The following LRRC42 variants were observed in gnomAD, a reference collection of about 807,000 sequenced individuals.
LRRC42 encodes the protein leucine-rich repeat-containing protein 42.
In LRRC42, 43 loss-of-function variants were observed where a neutral mutation model predicts 44.3. The ratio of observed to expected loss-of-function variants is 0.97; its 90% CI spans 0.76 to 1.25. The LOEUF is 1.25. LRRC42 is among the 50% of genes most tolerant of loss of function. The pLI, the probability that LRRC42 is intolerant of heterozygous loss-of-function variation, is 0.00. For synonymous variants in LRRC42, 207 were observed against 195.2 expected, an observed-to-expected ratio of 1.06 and a Z score of -0.50; for missense variants, 540 against 509.1, an observed-to-expected ratio of 1.06 and a Z score of -0.58.
chr1:53,956,063 C>G (rs142572669), intron 3 of LRRC42, among the ~76,000 whole-genome samples: 5 of 152,330 alleles, frequency 3.3e-5, no homozygotes, highest in Non-Finnish European at 7.3e-5. Flanking sequence ...GGGCAGGAAA[C>G]TTGAGGTTGC....
At chr1:53,958,825 A>T (rs1654918070) in intron 4 of LRRC42, among the ~76,000 whole-genome samples, 1 of 151,992 alleles carries the variant, frequency 6.6e-6, no homozygotes, top group African/African-American at 2.4e-5. Flanking sequence ...ACCTCAGGTG[A>T]TCCTCCCGCC....
At chr1:53,961,509 C>T (rs1012219581) in intron 5 of LRRC42, among the ~76,000 whole-genome samples, 1 of 152,132 alleles carries the variant, frequency 6.6e-6, no homozygotes, top group East Asian at 1.9e-4. Flanking sequence ...CCAGGCACTA[C>T]GCTTATGGCC....
Position 53,952,348 on chromosome 1 carries a change from A to G in LRRC42, c.349A>G (p.Lys117Glu). The change falls in exon 3 of 9, where the codon AAG (lysine) becomes GAG (glutamate). Residue 117 changes from lysine to glutamate, a missense_variant. Physicochemically the swap from Lys to Glu is moderately conservative, Grantham distance 56. Transcript: ENST00000371370. ...TGGCTTTCCTGAGCAGATTGCTGAAAAGCTGTTCTCTGCTGCTGAAGCCAG... is the reference window on the plus strand; with the variant it reads ...TGGCTTTCCTGAGCAGATTGCTGAAGAGCTGTTCTCTGCTGCTGAAGCCAG... ...LIGFPEQIAEKLFSAAEARQK... is the reference protein window; with the variant it reads ...LIGFPEQIAEELFSAAEARQK... 6.2e-7 allele frequency: 1 copy of G among 1,614,184 alleles called. No homozygotes were observed. Among genetic ancestry groups the G allele is most frequent in the South Asian group, 1.1e-5 (1 of 91,086 alleles).
At chr1:53,960,641 T>A (rs1211067490) in intron 5 of LRRC42, among the ~76,000 whole-genome samples, 167 bp downstream of exon 5, 2 of 152,236 alleles carry the variant, frequency 1.3e-5, no homozygotes, top group Non-Finnish European at 2.9e-5. Flanking sequence ...TCTTGACTCC[T>A]GGCCAACTGA....
At chr1:53,956,085 A>G (rs1654829837) in intron 3 of LRRC42, among the ~76,000 whole-genome samples, 1 of 152,220 alleles carries the variant, frequency 6.6e-6, no homozygotes, top group South Asian at 2.1e-4. Context: ...TTTGCAATCC[A>G]GGGCTGTAGC....
chr1:53,947,109 G>A (rs1184266649), intron 1 of LRRC42, among the ~76,000 whole-genome samples: 1 of 151,514 alleles, frequency 6.6e-6, no homozygotes, highest in Non-Finnish European at 1.5e-5. Context: ...AGAGGAGTGG[G>A]GGGTGGAGGA....
At chr1:53,948,580 C>T (rs1034362248) in intron 2 of LRRC42, among the ~76,000 whole-genome samples, 1 of 152,216 alleles carries the variant, frequency 6.6e-6, no homozygotes. Context: ...GGCTGGGAAA[C>T]TATCAAAATG....
At chr1:53,953,625 C>T (rs1654754193) in intron 3 of LRRC42, among the ~76,000 whole-genome samples, 2 of 152,142 alleles carry the variant, frequency 1.3e-5, no homozygotes, top group Non-Finnish European at 2.9e-5. Flanking sequence ...TCCTAAAGTG[C>T]TGGGATTACA....
At chr1:53,956,342 G>A (rs902503484) in intron 3 of LRRC42, among the ~76,000 whole-genome samples, 1 of 152,158 alleles carries the variant, frequency 6.6e-6, no homozygotes, top group Non-Finnish European at 1.5e-5. Flanking sequence ...AGGCAAGTAT[G>A]TTTTCCTTAA....
intron 4 of LRRC42, among the ~76,000 whole-genome samples, chr1:53,959,984 A>G (rs1289779612): frequency 6.7e-6 from 1 of 150,258 alleles, no homozygotes; most frequent in Non-Finnish European, 1.5e-5. Context: ...GCAGTGGTGC[A>G]ATCATAGCTC....
Position 53,968,115 on chromosome 1 carries a change from G to A in LRRC42, c.*176G>A. The A allele has an allele frequency of 3.2e-6, 2 of 631,836 alleles. No individual in the cohort carries two copies. Among genetic ancestry groups the A allele is most frequent in the Admixed American group, 6.2e-5 (2 of 32,268 alleles). 39.1% of individuals were successfully genotyped at this position (631,836 alleles called of 1,614,324 possible). ...ATGGAAGTATGTAATAATTTCTAAT[G>A]TATATTTTCAATACATAGTAATTTT... On this transcript the variant is annotated 3_prime_UTR_variant, in exon 9 of 9. Coordinates refer to ENST00000371370, the MANE Select transcript of LRRC42 (RefSeq NM_001256409.2).
At chr1:53,961,869 A>C in intron 5 of LRRC42, 165 bp from the exon 6 acceptor site, 1 of 585,440 alleles carries the variant, frequency 1.7e-6, no homozygotes, top group East Asian at 2.9e-5. Flanking sequence ...TTTATATTAC[A>C]AATAGTAAAG....
At chr1:53,946,908 T>G in intron 1 of LRRC42, among the ~76,000 whole-genome samples, 1 of 123,058 alleles carries the variant, frequency 8.1e-6, no homozygotes. Context: ...AGGATAGGAA[T>G]AGAGAGGGTG....
intron 3 of LRRC42, 50 bp downstream of exon 3, chr1:53,952,522 T>C (rs1227396531): frequency 1.3e-6 from 2 of 1,483,618 alleles, no homozygotes; most frequent in African/African-American, 1.4e-5. Flanking sequence ...GTGTTAATTC[T>C]GTCAAGCTCT....
rs764302113 is a variant in LRRC42 at position 53,958,290 on chromosome 1, TG to T, written c.605+11del. ...ATGAAGCCCTGTCTAGGTACTGACCTGTCACCACTTGCAGATGAATTGTTTC... is the reference window on the plus strand; with the variant it reads ...ATGAAGCCCTGTCTAGGTACTGACCTTCACCACTTGCAGATGAATTGTTTC... On this transcript the variant is annotated intron_variant, in intron 4 of 8. Transcript: ENST00000371370. 3 of 1,612,004 alleles carry T rather than the reference TG, an allele frequency of 1.9e-6. No homozygotes were observed. Among genetic ancestry groups the T allele is most frequent in the Non-Finnish European group, 2.5e-6 (3 of 1,178,586 alleles).
intron 2 of LRRC42, among the ~76,000 whole-genome samples, chr1:53,948,800 T>G (rs1654595164): frequency 6.6e-6 from 1 of 152,252 alleles, no homozygotes; most frequent in African/African-American, 2.4e-5. Flanking sequence ...AGTGAAGTTT[T>G]GTGTAGAATT....
intron 2 of LRRC42, among the ~76,000 whole-genome samples, chr1:53,949,789 C>A (rs546064406): frequency 6.6e-6 from 1 of 152,164 alleles, no homozygotes; most frequent in African/African-American, 2.4e-5. Context: ...ATATTCCCAT[C>A]GTCTGCTTTG....
chr1:53,966,584 A>C (rs1655133387), intron 8 of LRRC42, among the ~76,000 whole-genome samples: 1 of 152,180 alleles, frequency 6.6e-6, no homozygotes, highest in Non-Finnish European at 1.5e-5. Flanking sequence ...GCTTTTTAAA[A>C]TTACTTACTT....
Position 53,952,165 on chromosome 1 carries a change from T to C in LRRC42, c.166T>C (p.Cys56Arg). Residue 56 changes from cysteine to arginine, a missense_variant, in exon 3 of 9, where the codon TGC becomes CGC. By Grantham distance (180) the Cys-to-Arg change is radical. Coordinates refer to ENST00000371370, the MANE Select transcript of LRRC42 (RefSeq NM_001256409.2). ...LFPKGFSVEL[C>R]MNREDDTARK... ...CCCCAAAGGCTTTTCTGTGGAGCTT[T>C]GCATGAACAGGGAAGACGACACTGC... 1.2e-6 allele frequency: 2 copies of C among 1,614,234 alleles called. No homozygotes were observed. Among genetic ancestry groups the C allele is most frequent in the Non-Finnish European group, 1.7e-6 (2 of 1,180,038 alleles).
Sources: gnomAD v4.1 joint callset for allele counts (sites outside exome capture counted in the v4.1 genomes callset) on GRCh38, gnomAD v4.1.1 for gene constraint, MANE v1.5 for transcripts, NCBI Gene and HGNC (gene_info 2026-07-23, HGNC 2026-07-21) for gene names.